The following FAF1 variants were observed in gnomAD, a reference collection of about 807,000 sequenced individuals.
FAF1 encodes the protein FAS-associated factor 1.
A neutral mutation model predicts 92.5 loss-of-function variants in FAF1; 25 were observed. That is an observed-to-expected ratio of 0.27 (90% CI 0.20 to 0.38). The LOEUF is 0.38. Ranked by LOEUF, FAF1 falls within the 10% of genes least tolerant of loss-of-function variation. The probability of loss-of-function intolerance (pLI) is 1.00; values close to 1 mark genes in which losing one functional copy is unlikely to be tolerated. For synonymous variants in FAF1, 234 were observed against 273.2 expected, an observed-to-expected ratio of 0.86 and a Z score of 1.42; for missense variants, 636 against 793.3, an observed-to-expected ratio of 0.80 and a Z score of 2.38.
At chr1:50,936,542 A>C (rs1471084585) in intron 1 of FAF1, among the ~76,000 whole-genome samples, 2 of 152,202 alleles carry the variant, frequency 1.3e-5, no homozygotes, top group African/African-American at 4.8e-5. Flanking sequence ...ACTACAGCAG[A>C]AGGCATAGGG....
chr1:50,765,331 A>G (rs1660524151), intron 4 of FAF1, among the ~76,000 whole-genome samples: 1 of 152,334 alleles, frequency 6.6e-6, no homozygotes, highest in South Asian at 2.1e-4. Flanking sequence ...ATTTTTCTTC[A>G]GAGTCTCAAA....
At chr1:50,879,127 C>T (rs1437840503) in intron 1 of FAF1, among the ~76,000 whole-genome samples, 1 of 152,080 alleles carries the variant, frequency 6.6e-6, no homozygotes, top group Non-Finnish European at 1.5e-5. Context: ...CACCTGTAAC[C>T]CCAGCTGCTG....
At chr1:50,787,597 GT>G (rs1294286116) in intron 4 of FAF1, among the ~76,000 whole-genome samples, 2 of 152,136 alleles carry the variant, frequency 1.3e-5, no homozygotes, top group African/African-American at 4.8e-5. Flanking sequence ...ATAAATTTCT[GT>G]TCCTTATAAA....
intron 4 of FAF1, among the ~76,000 whole-genome samples, chr1:50,774,475 C>G (rs977745098): frequency 3.3e-5 from 5 of 152,106 alleles, no homozygotes; most frequent in African/African-American, 1.2e-4. Flanking sequence ...GAAAATGCAC[C>G]TGCTAAATGT....
At chr1:50,614,280 T>C (rs1652807679) in intron 8 of FAF1, among the ~76,000 whole-genome samples, 1 of 152,142 alleles carries the variant, frequency 6.6e-6, no homozygotes. Context: ...GCCACAAATC[T>C]GAAAGCTGTG....
rs572821632 is a variant in FAF1, at chr1:50,464,336, G to A, written c.1869+11128C>T. On this transcript the variant is annotated intron_variant, in intron 18 of 18. Transcript: ENST00000396153. Reference sequence around the variant, plus strand: ...CTTAATTCTTATATCCAGCGCAAAGGTGGTTATTATTATCTGCCTTTTACA... The same window carrying A: ...CTTAATTCTTATATCCAGCGCAAAGATGGTTATTATTATCTGCCTTTTACA... Among the ~76,000 whole-genome samples, 7 of 152,176 alleles carry A rather than the reference G, an allele frequency of 4.6e-5. No individual in the cohort carries two copies. The East Asian group carries it at 9.7e-4, about 21-fold the overall frequency.
intron 8 of FAF1, among the ~76,000 whole-genome samples, chr1:50,636,695 T>C (rs1654027900): frequency 1.3e-5 from 2 of 152,186 alleles, no homozygotes; most frequent in Admixed American, 1.3e-4. Context: ...AAAGCAAAAG[T>C]TGCCAATTGT....
chr1:50,727,173 A>G (rs549223687), intron 6 of FAF1, among the ~76,000 whole-genome samples: 1 of 152,338 alleles, frequency 6.6e-6, no homozygotes, highest in South Asian at 2.1e-4. Context: ...CTAGTCATTC[A>G]ATTATTCACT....
intron 7 of FAF1, among the ~76,000 whole-genome samples, chr1:50,684,308 C>T (rs1177796083): frequency 7.3e-6 from 1 of 137,342 alleles, no homozygotes; most frequent in Non-Finnish European, 1.5e-5. Flanking sequence ...AAAGAAACTA[C>T]AGTCTATGAC....
At chr1:50,708,078 G>T (rs987216196) in intron 6 of FAF1, among the ~76,000 whole-genome samples, 6 of 152,230 alleles carry the variant, frequency 3.9e-5, no homozygotes, top group African/African-American at 1.4e-4. Context: ...AAAGTGCTGG[G>T]GTTACAGGTG....
chr1:50,681,265 T>TGGTCAACTCC (rs1656408185), intron 7 of FAF1, among the ~76,000 whole-genome samples: 1 of 152,104 alleles, frequency 6.6e-6, no homozygotes, highest in Non-Finnish European at 1.5e-5. Flanking sequence ...CAAGCTGGTC[T>TGGTCAACTCC]TGAAGTCCTG....
intron 3 of FAF1, among the ~76,000 whole-genome samples, chr1:50,799,253 C>A (rs1661882011): frequency 6.6e-6 from 1 of 152,188 alleles, no homozygotes. Flanking sequence ...TGAACTTGGG[C>A]AAGTCTATGT....
intron 1 of FAF1, among the ~76,000 whole-genome samples, chr1:50,912,693 T>A (rs1644894277): frequency 6.6e-6 from 1 of 152,220 alleles, no homozygotes; most frequent in African/African-American, 2.4e-5. Context: ...CACTATGCAA[T>A]CTACTCACAT....
Position 50,440,081 on chromosome 1 carries a change from A to G in FAF1, c.*1359T>C, listed in dbSNP as rs913730255. ...GAACCCCTTGGCCGAGGCTGGGGGA[A>G]CAAACCCAGCATTTGAACTCTTTTT... On this transcript the variant is annotated 3_prime_UTR_variant, in exon 19 of 19. Coordinates refer to ENST00000396153, the MANE Select transcript of FAF1 (RefSeq NM_007051.3). The G allele has an allele frequency of 1.3e-5, 2 of 152,240 alleles. No homozygotes were observed. The highest frequency in any genetic ancestry group is 2.4e-5 in the African/African-American group (1 of 41,460). 9.4% of individuals were successfully genotyped at this position (152,240 alleles called of 1,614,324 possible). A position where few individuals can be genotyped will look rare whatever the true frequency, so the allele number is the denominator to read the frequency against.
chr1:50,459,060 C>T (rs2148986658), intron 18 of FAF1, among the ~76,000 whole-genome samples: 1 of 152,162 alleles, frequency 6.6e-6, no homozygotes, highest in South Asian at 2.1e-4. Flanking sequence ...CAGCCTCAAC[C>T]TTCCAGGCTC....
chr1:50,498,845 GTC>G (rs1646941620), intron 15 of FAF1, among the ~76,000 whole-genome samples: 1 of 140,314 alleles, frequency 7.1e-6, no homozygotes, highest in Non-Finnish European at 1.5e-5. Context: ...GCGAACCTCT[GTC>G]TCAAAAAAAA....
intron 7 of FAF1, among the ~76,000 whole-genome samples, chr1:50,677,456 C>T (rs1316517274): frequency 6.6e-6 from 1 of 151,988 alleles, no homozygotes; most frequent in African/African-American, 2.4e-5. Context: ...TTTCTGAATT[C>T]CTGAGTCATT....
At chr1:50,939,217 CATTT>C (rs1359230203) in intron 1 of FAF1, among the ~76,000 whole-genome samples, 11 of 152,194 alleles carry the variant, frequency 7.2e-5, no homozygotes, top group East Asian at 3.9e-4. Flanking sequence ...TTTTTTCATT[CATTT>C]GTTTCAACTT....
intron 1 of FAF1, among the ~76,000 whole-genome samples, chr1:50,925,729 C>T (rs1314813502): frequency 6.6e-6 from 1 of 152,194 alleles, no homozygotes; most frequent in African/African-American, 2.4e-5. Context: ...TATGATACAG[C>T]AATCACACTA....
Sources: allele counts gnomAD v4.1 joint callset (sites outside exome capture counted in the v4.1 genomes callset), GRCh38; gene constraint gnomAD v4.1.1; transcripts MANE v1.5; gene names NCBI Gene and HGNC (gene_info 2026-07-23, HGNC 2026-07-21).